UBE2E2: variants seen among roughly 807,000 people sequenced by gnomAD.
UBE2E2 encodes the protein ubiquitin-conjugating enzyme E2 E2.
A neutral mutation model predicts 24.7 loss-of-function variants in UBE2E2; 6 were observed. That is an observed-to-expected ratio of 0.24 (90% confidence interval 0.13 to 0.48). The LOEUF (loss-of-function observed/expected upper bound fraction) is 0.48, where lower values mean the gene tolerates loss of function less well. UBE2E2 is among the 20% of genes least tolerant of loss of function. UBE2E2 has a pLI of 0.99. For missense variants in UBE2E2, 169 were observed against 245.0 expected (o/e 0.69, Z 2.07); for synonymous variants, 104 against 83.6 (o/e 1.24, Z -1.33).
At chr3:23,205,448 A>G (rs1020930840) in intron 1 of UBE2E2, among the ~76,000 whole-genome samples, 4 of 152,188 alleles carry the variant, frequency 2.6e-5, no homozygotes, top group African/African-American at 7.2e-5. Context: ...ACTTACGACT[A>G]ATTAAATTGA....
At chr3:23,411,410 G>T (rs1211432981) in intron 3 of UBE2E2, among the ~76,000 whole-genome samples, 1 of 152,084 alleles carries the variant, frequency 6.6e-6, no homozygotes, top group Non-Finnish European at 1.5e-5. Flanking sequence ...CCTTTACTCT[G>T]ATGGTCCTTT....
chr3:23,337,316 G>A (rs1008468186), intron 3 of UBE2E2, among the ~76,000 whole-genome samples: 1 of 152,036 alleles, frequency 6.6e-6, no homozygotes, highest in Non-Finnish European at 1.5e-5. Flanking sequence ...GCTAATTTTC[G>A]ATAATATCTT....
chr3:23,446,664 T>C (rs1380792007), intron 3 of UBE2E2, among the ~76,000 whole-genome samples: 1 of 150,952 alleles, frequency 6.6e-6, no homozygotes, highest in Non-Finnish European at 1.5e-5. Flanking sequence ...ATTCTACCAG[T>C]TTAAGGTTAC....
intron 3 of UBE2E2, among the ~76,000 whole-genome samples, chr3:23,328,663 T>TC (rs1452558015): frequency 4.9e-3 from 30 of 6,084 alleles, no homozygotes; most frequent in African/African-American, 0.025. Context: ...TCTCTCTCTC[T>TC]TTTTTTTTTT....
chr3:23,311,021 C>T (rs1232300709), intron 3 of UBE2E2, among the ~76,000 whole-genome samples: 2 of 152,118 alleles, frequency 1.3e-5, no homozygotes, highest in Non-Finnish European at 2.9e-5. Context: ...CGCCACCCCA[C>T]GATGGGCCCT....
chr3:23,259,229 G>A (rs955207310), intron 3 of UBE2E2, among the ~76,000 whole-genome samples: 1 of 152,096 alleles, frequency 6.6e-6, no homozygotes, highest in South Asian at 2.1e-4. Flanking sequence ...GTATATGTGT[G>A]TGTGCGTTTG....
intron 3 of UBE2E2, among the ~76,000 whole-genome samples, chr3:23,396,901 G>A (rs1697092363): frequency 6.6e-6 from 1 of 152,156 alleles, no homozygotes; most frequent in South Asian, 2.1e-4. Context: ...AACCAATGTG[G>A]GTGGACAAGT....
chr3:23,375,903 T>C lies in UBE2E2; in HGVS notation c.228-123705T>C, dbSNP rs372202710. 5.9e-5 allele frequency among the ~76,000 whole-genome samples: 9 copies of C among 152,298 alleles called. No homozygotes were observed. In the East Asian group the frequency reaches 1.7e-3, roughly 29 times the overall value. The stretch of plus-strand genomic sequence containing the variant: ...GTTAGTGCATAAGGCAAAAATTAAA[T>C]TATATGTAGCCAAAGTGCTCTAAAA... On this transcript the variant is annotated intron_variant, in intron 3 of 5. Coordinates refer to ENST00000396703, the MANE Select transcript of UBE2E2 (RefSeq NM_152653.4).
At chr3:23,398,116 C>A (rs1441370225) in intron 3 of UBE2E2, among the ~76,000 whole-genome samples, 8 of 152,010 alleles carry the variant, frequency 5.3e-5, no homozygotes, top group African/African-American at 1.9e-4. Context: ...AGTTCGAGAC[C>A]AGCCTGGCCA....
At position 23,494,226 on chromosome 3, in the gene UBE2E2, A is replaced by G. The variant is rs999469226; in HGVS notation, c.228-5382A>G. ...TTTCTCACTTCTTGATTCATGATAC[A>G]GAAATATGATGTGAGCCATGTATGT... On this transcript the variant is annotated intron_variant, in intron 3 of 5. Coordinates refer to ENST00000396703, the MANE Select transcript of UBE2E2 (RefSeq NM_152653.4). Among the ~76,000 whole-genome samples the G allele has an allele frequency of 7.2e-5, 11 of 152,352 alleles. 2 individuals carry two copies. The highest frequency in any genetic ancestry group is 1.3e-4 in the Admixed American group (2 of 15,300).
chr3:23,458,886 T>C (rs77550060), intron 3 of UBE2E2, among the ~76,000 whole-genome samples: 5,448 of 152,106 alleles, frequency 0.036, 336 homozygotes, highest in African/African-American at 0.12. Flanking sequence ...AACAAAAAAA[T>C]GCAATATCTA....
chr3:23,238,769 C>T (rs930684299), intron 3 of UBE2E2, among the ~76,000 whole-genome samples: 2 of 152,156 alleles, frequency 1.3e-5, no homozygotes, highest in African/African-American at 4.8e-5. Flanking sequence ...AGTTTTATTT[C>T]TCCCATGGGG....
At chr3:23,487,233 G>A (rs538638031) in intron 3 of UBE2E2, among the ~76,000 whole-genome samples, 32 of 152,304 alleles carry the variant, frequency 2.1e-4, no homozygotes, top group Non-Finnish European at 3.8e-4. Flanking sequence ...CTCTGCACTG[G>A]AGCAGGTGCT....
chr3:23,260,160 T>C (rs1483739329), intron 3 of UBE2E2, among the ~76,000 whole-genome samples: 2 of 152,222 alleles, frequency 1.3e-5, no homozygotes, highest in Non-Finnish European at 2.9e-5. Flanking sequence ...AAATTTCTAA[T>C]AGTTCTTTTT....
intron 3 of UBE2E2, among the ~76,000 whole-genome samples, chr3:23,441,772 C>T (rs1698311464): frequency 6.6e-6 from 1 of 152,098 alleles, no homozygotes. Context: ...GTTAACTGTA[C>T]AACACTTTAG....
At chr3:23,257,530 C>CTTTTTTTTT (rs3057372) in intron 3 of UBE2E2, among the ~76,000 whole-genome samples, 2 of 16,258 alleles carry the variant, frequency 1.2e-4, no homozygotes, top group Non-Finnish European at 2.1e-4. Flanking sequence ...CCCCCCCCCA[C>CTTTTTTTTT]TTTTTTTTTT....
rs562696553 is a variant in UBE2E2 at position 23,423,463 on chromosome 3, ATGTC to A, written c.228-76141_228-76138del. Among the ~76,000 whole-genome samples the A allele has an allele frequency of 6.7e-4, 102 of 152,274 alleles. 1 individual carries two copies. The highest frequency in any genetic ancestry group is 2.3e-3 in the African/African-American group (94 of 41,562). On this transcript the variant is annotated intron_variant, in intron 3 of 5. Coordinates refer to ENST00000396703, the MANE Select transcript of UBE2E2 (RefSeq NM_152653.4). ...TTTTGTCAAGAGTTAATATAGAAGT[ATGTC>A]TGTTTCTCTCATAACCCTTGTTTTA...
At chr3:23,392,156 T>C (rs996580210) in intron 3 of UBE2E2, among the ~76,000 whole-genome samples, 1 of 152,178 alleles carries the variant, frequency 6.6e-6, no homozygotes, top group Non-Finnish European at 1.5e-5. Context: ...TTATGCATTA[T>C]GCTTAGACAG....
At chr3:23,567,362 G>T (rs1034872485) in intron 5 of UBE2E2, among the ~76,000 whole-genome samples, 84 of 152,270 alleles carry the variant, frequency 5.5e-4, no homozygotes, top group African/African-American at 2.0e-3. Context: ...TGCCTAAGGG[G>T]TTTAAACAAC....
Sources: gnomAD v4.1 joint callset for allele counts (sites outside exome capture counted in the v4.1 genomes callset) on GRCh38, gnomAD v4.1.1 for gene constraint, MANE v1.5 for transcripts, NCBI Gene and HGNC (gene_info 2026-07-23, HGNC 2026-07-21) for gene names.